SIM1: variants seen among roughly 807,000 people sequenced by gnomAD.
SIM1 encodes the protein single-minded homolog 1.
Under a neutral mutation model 78.2 loss-of-function variants are expected in SIM1, and 18 were observed. The ratio of observed to expected loss-of-function variants is 0.23; its 90% CI spans 0.16 to 0.34. The LOEUF is 0.34. Among genes scored for constraint, SIM1 ranks in the 10% least tolerant of loss-of-function variants. SIM1 has a pLI of 1.00. For missense variants in SIM1, 939 were observed against 975.1 expected (o/e 0.96, Z 0.49); for synonymous variants, 417 against 385.2 (o/e 1.08, Z -0.97).
At chr6:100,398,024 C>A (rs574063667) in intron 10 of SIM1, among the ~76,000 whole-genome samples, 1 of 152,098 alleles carries the variant, frequency 6.6e-6, no homozygotes, top group Non-Finnish European at 1.5e-5. Flanking sequence ...CAATTGCTGG[C>A]AAAGATGTAG....
At chr6:100,419,423 A>G (rs1157713186) in intron 10 of SIM1, among the ~76,000 whole-genome samples, 1 of 152,168 alleles carries the variant, frequency 6.6e-6, no homozygotes, top group Non-Finnish European at 1.5e-5. Context: ...AATCTAGCAA[A>G]TAGTAGCCTC....
In SIM1 at chr6:100,391,090, C is replaced by G. The variant is rs1284623252; in HGVS notation, c.1572G>C (p.Gly524=). The G allele has an allele frequency of 1.3e-6, 2 of 1,564,954 alleles. No homozygotes were observed. The highest frequency in any genetic ancestry group is 1.7e-6 in the Non-Finnish European group (2 of 1,159,494). Residue 524 remains glycine (G), a splice_region_variant and synonymous_variant, in exon 12 of 12, where the codon GGG becomes GGC. Transcript: ENST00000369208. ...CACTATCTTCATCCCAATGACCTCG[C>G]CCTAAAAATTAGAAAAAGTCAAAAG... ...PHIASVHRIH[G]RGHWDEDSVV...
At chr6:100,391,467 T>C (rs781455283) in intron 11 of SIM1, among the ~76,000 whole-genome samples, 1 of 152,252 alleles carries the variant, frequency 6.6e-6, no homozygotes, top group African/African-American at 2.4e-5. Context: ...ATTTGGTTTA[T>C]GTTATTCTGT....
At chr6:100,458,727 G>A (rs1582328415) in intron 2 of SIM1, among the ~76,000 whole-genome samples, 1 of 152,226 alleles carries the variant, frequency 6.6e-6, no homozygotes, top group Non-Finnish European at 1.5e-5. Flanking sequence ...CGGGGACCTC[G>A]ACATGATTGT....
rs180801099 is a variant in SIM1, at chr6:100,421,427, A to G, written c.999-469T>C. ...TAAGCAGGATTATAAATAGTTAAAA[A>G]TTCCTCTCAACAGGTTAGTTCAGTT... On this transcript the variant is annotated intron_variant, in intron 9 of 11. Coordinates refer to ENST00000369208, the MANE Select transcript of SIM1 (RefSeq NM_005068.3). Among the ~76,000 whole-genome samples, 94 of 152,310 alleles carry G rather than the reference A, an allele frequency of 6.2e-4. 1 individual carries two copies. The highest frequency in any genetic ancestry group is 2.2e-3 in the African/African-American group (91 of 41,588).
intron 9 of SIM1, among the ~76,000 whole-genome samples, chr6:100,424,627 C>T (rs371656829): frequency 6.6e-6 from 1 of 151,646 alleles, no homozygotes; most frequent in East Asian, 1.9e-4. Context: ...TTTTGGTAGA[C>T]ACGAGATCTC....
intron 3 of SIM1, among the ~76,000 whole-genome samples, chr6:100,450,665 GTCTCTC>G (rs374252955): frequency 5.8e-4 from 68 of 117,304 alleles, no homozygotes; most frequent in African/African-American, 1.6e-3. Context: ...CACACACACT[GTCTCTC>G]TCTCTCTCTC....
intron 2 of SIM1, 92 bp downstream of exon 2, chr6:100,463,202 A>G: frequency 1.0e-6 from 1 of 972,160 alleles, no homozygotes; most frequent in Non-Finnish European, 1.4e-6. Flanking sequence ...GTAAATATGT[A>G]TGCATTTCTC....
In SIM1 at chr6:100,390,715, G is replaced by T; in HGVS notation, c.1947C>A (p.Asp649Glu). The T allele has an allele frequency of 6.2e-7, 1 of 1,614,094 alleles. No individual in the cohort carries two copies. Among genetic ancestry groups the T allele is most frequent in the Non-Finnish European group, 8.5e-7 (1 of 1,180,020 alleles). Reference sequence around the variant, plus strand: ...TCCGAGATAGTGCGGTGGGACTGTTGTCATAGTCATTTTCATGGGGGCTCA... The same window carrying T: ...TCCGAGATAGTGCGGTGGGACTGTTTTCATAGTCATTTTCATGGGGGCTCA... ...KMLSPHENDY[D>E]NSPTALSRIS... The change falls in exon 12 of 12, where the codon GAC (aspartate) becomes GAA (glutamate). Residue 649 changes from aspartate to glutamate, a missense_variant. Coordinates refer to ENST00000369208, the MANE Select transcript of SIM1 (RefSeq NM_005068.3).
intron 10 of SIM1, among the ~76,000 whole-genome samples, chr6:100,395,132 C>T (rs536338556): frequency 6.6e-6 from 1 of 152,230 alleles, no homozygotes; most frequent in Admixed American, 6.5e-5. Flanking sequence ...AGTAATATAA[C>T]AATAATTTTT....
Position 100,389,849 on chromosome 6 carries a change from T to C in SIM1, c.*512A>G. On this transcript the variant is annotated 3_prime_UTR_variant, in exon 12 of 12. Transcript: ENST00000369208. Reference sequence around the variant, plus strand: ...ACCACAAAGAAGTCAGTTTATAAGATGTATCTCTCTCTTTCTCAGTTATTT... The same window carrying C: ...ACCACAAAGAAGTCAGTTTATAAGACGTATCTCTCTCTTTCTCAGTTATTT... The C allele has an allele frequency of 2.5e-6, 1 of 398,880 alleles. No individual in the cohort carries two copies. 24.7% of individuals were successfully genotyped at this position (398,880 alleles called of 1,614,324 possible). A position where few individuals can be genotyped will look rare whatever the true frequency, so the allele number is the denominator to read the frequency against.
intron 10 of SIM1, among the ~76,000 whole-genome samples, chr6:100,409,972 A>G (rs1236340726): frequency 6.6e-6 from 1 of 152,198 alleles, no homozygotes; most frequent in Admixed American, 6.5e-5. Context: ...AATGTTCCGC[A>G]TGAGCTTGAG....
chr6:100,412,632 GAAAGAAAAGAAAGAAAGAA>G lies in SIM1; in HGVS notation c.1167+8139_1167+8157del, dbSNP rs1562239765. On this transcript the variant is annotated intron_variant, in intron 10 of 11. Transcript: ENST00000369208. Reference sequence around the variant, plus strand: ...GAAAGGAAAGAAAGAAGGAAAGAAAGAAAGAAAAGAAAGAAAGAAAGAAAGAGAGAGAGAGAGAGAGAAA... The same window carrying G: ...GAAAGGAAAGAAAGAAGGAAAGAAAGAGAAAGAGAGAGAGAGAGAGAGAAA... Among the ~76,000 whole-genome samples the G allele has an allele frequency of 2.9e-3, 251 of 87,458 alleles. 16 individuals are homozygous for G. The highest frequency in any genetic ancestry group is 9.6e-3 in the African/African-American group (233 of 24,278). 57.4% of individuals were successfully genotyped at this position (87,458 alleles called of 152,430 possible). A position where few individuals can be genotyped will look rare whatever the true frequency, so the allele number is the denominator to read the frequency against.
rs376757316 is a variant in SIM1 at position 100,388,412 on chromosome 6, T to G, written c.*1949A>C. The G allele has an allele frequency of 7.2e-5, 11 of 152,272 alleles. No individual in the cohort carries two copies. The highest frequency in any genetic ancestry group is 2.6e-4 in the African/African-American group (11 of 41,572). The allele number at this position is 152,272 out of a possible 1,614,324, so 9.4% of individuals were successfully genotyped here. A position where few individuals can be genotyped will look rare whatever the true frequency, so the allele number is the denominator to read the frequency against. ...AGTTCAAACCCATGTTATTCAAGGG[T>G]CAACTGCACTTTGAATTTTTTGAAA... On this transcript the variant is annotated 3_prime_UTR_variant, in exon 12 of 12. Transcript: ENST00000369208.
chr6:100,422,694 C>T (rs976399308), intron 9 of SIM1, among the ~76,000 whole-genome samples: 3 of 152,104 alleles, frequency 2.0e-5, no homozygotes, highest in Admixed American at 6.5e-5. Context: ...TCACCACACA[C>T]ACACACACAC....
At chr6:100,437,659 T>C (rs1772091818) in intron 9 of SIM1, among the ~76,000 whole-genome samples, 1 of 152,204 alleles carries the variant, frequency 6.6e-6, no homozygotes, top group Non-Finnish European at 1.5e-5. Flanking sequence ...GGCAAGAGAC[T>C]GTGCCTCCCT....
Position 100,458,000 on chromosome 6 carries a change from C to CTCTCTT in SIM1, c.176-4162_176-4157dup, listed in dbSNP as rs1562064124. On this transcript the variant is annotated intron_variant, in intron 2 of 11. Coordinates refer to ENST00000369208, the MANE Select transcript of SIM1 (RefSeq NM_005068.3). ...CCGAAGGTCACACCGCTGTCTGTCT[C>CTCTCTT]TCTCTTTCTCTCTCTCTCTCTCTCT... Among the ~76,000 whole-genome samples the CTCTCTT allele has an allele frequency of 8.5e-4, 84 of 98,988 alleles. 1 individual carries two copies. Among genetic ancestry groups the CTCTCTT allele is most frequent in the African/African-American group, 3.0e-3 (81 of 27,004 alleles). 64.9% of individuals were successfully genotyped at this position (98,988 alleles called of 152,430 possible). A position where few individuals can be genotyped will look rare whatever the true frequency, so the allele number is the denominator to read the frequency against.
At position 100,387,715 on chromosome 6, in the gene SIM1, T is replaced by C. The variant is rs980806950; in HGVS notation, c.*2646A>G. 12 of 152,132 alleles carry C rather than the reference T, an allele frequency of 7.9e-5. No individual in the cohort carries two copies. The highest frequency in any genetic ancestry group is 5.2e-4 in the Admixed American group (8 of 15,264). The allele number at this position is 152,132 out of a possible 1,614,324, so 9.4% of individuals were successfully genotyped here. ...TTAATTCTGTATTCTCTTAAAAATA[T>C]TGGTCATGTCATTTTAAAGAGCATT... On this transcript the variant is annotated 3_prime_UTR_variant, in exon 12 of 12. Coordinates refer to ENST00000369208, the MANE Select transcript of SIM1 (RefSeq NM_005068.3).
intron 9 of SIM1, among the ~76,000 whole-genome samples, chr6:100,431,729 C>G (rs1472191544): frequency 6.6e-6 from 1 of 152,150 alleles, no homozygotes; most frequent in Non-Finnish European, 1.5e-5. Flanking sequence ...GCAGCAGCAG[C>G]AGGTTTTTAT....
Sources: allele counts gnomAD v4.1 joint callset (sites outside exome capture counted in the v4.1 genomes callset), GRCh38; gene constraint gnomAD v4.1.1; transcripts MANE v1.5; gene names NCBI Gene and HGNC (gene_info 2026-07-23, HGNC 2026-07-21).